CCSER1: variants seen among roughly 807,000 people sequenced by gnomAD.
CCSER1 encodes coiled-coil serine rich protein 1, also known as serine-rich coiled-coil domain-containing protein 1.
CCSER1 carries 41 observed loss-of-function variants against 82.0 expected under a neutral mutation model. The ratio of observed to expected loss-of-function variants is 0.50; its 90% CI spans 0.39 to 0.65. The LOEUF (loss-of-function observed/expected upper bound fraction) is 0.65, where lower values mean the gene tolerates loss of function less well. Among genes scored for constraint, CCSER1 ranks in the 30% least tolerant of loss-of-function variants. CCSER1 has a pLI of 0.00. For missense variants in CCSER1, 1,119 were observed against 1,064.2 expected (o/e 1.05, Z -0.72); for synonymous variants, 414 against 383.9 (o/e 1.08, Z -0.92).
At chr4:90,583,314 C>T (rs997068789) in intron 5 of CCSER1, among the ~76,000 whole-genome samples, 6 of 152,016 alleles carry the variant, frequency 3.9e-5, no homozygotes, top group African/African-American at 4.8e-5. Flanking sequence ...TTAGGGTGCC[C>T]GCCACTACGC....
chr4:90,988,334 C>CAAAAAAAAAAAAAAA (rs60408059), intron 9 of CCSER1, among the ~76,000 whole-genome samples: 3 of 75,384 alleles, frequency 4.0e-5, no homozygotes, highest in Non-Finnish European at 7.1e-5. Context: ...TATCTTGTCT[C>CAAAAAAAAAAAAAAA]AAAAAAAAAA....
chr4:91,259,603 TCCAACAGGCCCCA>T (rs1740952653), intron 10 of CCSER1, among the ~76,000 whole-genome samples: 1 of 94,746 alleles, frequency 1.1e-5, no homozygotes, highest in Non-Finnish European at 2.1e-5. Context: ...CCCCCCACCC[TCCAACAGGCCCCA>T]ATATGTGATG....
rs1200120577 is a variant in CCSER1, at chr4:91,496,703, T to C, written c.2218-101869T>C. ...TTTGAATATATATATATTCAATATA[T>C]ATATATATTCAATATATAGAATATA... On this transcript the variant is annotated intron_variant, in intron 10 of 10. Coordinates refer to ENST00000509176, the MANE Select transcript of CCSER1 (RefSeq NM_001145065.2). Among the ~76,000 whole-genome samples, 3 of 39,508 alleles carry C rather than the reference T, an allele frequency of 7.6e-5. 1 individual carries two copies. Among genetic ancestry groups the C allele is most frequent in the Non-Finnish European group, 1.8e-4 (3 of 17,114 alleles). 25.9% of individuals were successfully genotyped at this position (39,508 alleles called of 152,430 possible).
intron 8 of CCSER1, among the ~76,000 whole-genome samples, chr4:90,920,263 TAAG>T (rs1728184985): frequency 8.6e-5 from 4 of 46,562 alleles, no homozygotes; most frequent in Admixed American, 5.8e-4. Context: ...TGTATTTAAA[TAAG>T]TTCCATCCTC....
At chr4:91,266,270 G>T (rs1379016587) in intron 10 of CCSER1, among the ~76,000 whole-genome samples, 2 of 145,186 alleles carry the variant, frequency 1.4e-5, no homozygotes, top group African/African-American at 5.0e-5. Flanking sequence ...TTTTTTTTTT[G>T]AGACAGAGTC....
chr4:90,784,026 A>G (rs1168664067), intron 7 of CCSER1, among the ~76,000 whole-genome samples: 1 of 152,268 alleles, frequency 6.6e-6, no homozygotes, highest in African/African-American at 2.4e-5. Context: ...AATAGTAGTC[A>G]GAATCACAGA....
At chr4:90,844,518 C>G (rs959656821) in intron 8 of CCSER1, among the ~76,000 whole-genome samples, 22 of 152,054 alleles carry the variant, frequency 1.4e-4, no homozygotes, top group Non-Finnish European at 4.4e-5. Context: ...TTTGCCTTAG[C>G]TCATTTCTTA....
At chr4:91,016,725 A>G (rs1283663058) in intron 9 of CCSER1, among the ~76,000 whole-genome samples, 4 of 152,130 alleles carry the variant, frequency 2.6e-5, no homozygotes, top group African/African-American at 7.2e-5. Flanking sequence ...GTACTGTCCT[A>G]TGTTCTTTAT....
chr4:90,991,491 A>G lies in CCSER1; in HGVS notation c.2172+68044A>G, dbSNP rs924694742. On this transcript the variant is annotated intron_variant, in intron 9 of 10. Transcript: ENST00000509176. ...TACTTCCACGTATCCCTTGGCTTGC[A>G]GCACCATGATTCCAATTTCTGCTTC... is the stretch of plus-strand genomic sequence containing the variant. Among the ~76,000 whole-genome samples, 26 of 152,024 alleles carry G rather than the reference A, an allele frequency of 1.7e-4. No homozygotes were observed. In the South Asian group the frequency reaches 1.9e-3, roughly 11 times the overall value.
intron 9 of CCSER1, among the ~76,000 whole-genome samples, chr4:90,949,995 A>C (rs570574212): frequency 6.6e-6 from 1 of 152,094 alleles, no homozygotes; most frequent in Non-Finnish European, 1.5e-5. Flanking sequence ...GCCCTCTGCT[A>C]TCATACCACA....
chr4:90,884,105 A>G (rs1580921886), intron 8 of CCSER1, among the ~76,000 whole-genome samples: 1 of 152,288 alleles, frequency 6.6e-6, no homozygotes, highest in South Asian at 2.1e-4. Context: ...ACCTCTGGAT[A>G]GCTATATCCA....
chr4:90,841,992 T>A (rs1762628702), intron 8 of CCSER1, among the ~76,000 whole-genome samples: 1 of 151,914 alleles, frequency 6.6e-6, no homozygotes, highest in Admixed American at 6.6e-5. Flanking sequence ...CATATTTCCC[T>A]TTTCCTGCAT....
intron 1 of CCSER1, among the ~76,000 whole-genome samples, chr4:90,213,989 G>T (rs541404233): frequency 6.1e-4 from 93 of 152,234 alleles, no homozygotes; most frequent in Non-Finnish European, 1.0e-3. Flanking sequence ...AGGGATTAAG[G>T]AATTTTTGTT....
chr4:90,951,053 A>G (rs1414766727), intron 9 of CCSER1: 1 of 152,118 alleles, frequency 6.6e-6, no homozygotes, highest in African/African-American at 2.4e-5. Context: ...TAGCATTGGT[A>G]GAGATTAGGA....
intron 8 of CCSER1, among the ~76,000 whole-genome samples, chr4:90,855,975 G>A (rs1286176319): frequency 6.6e-6 from 1 of 151,878 alleles, no homozygotes; most frequent in African/African-American, 2.4e-5. Context: ...ATATTAATAT[G>A]AACTAGGTTA....
In CCSER1 at chr4:90,308,681, G is replaced by C. The variant is rs114592140; in HGVS notation, c.397G>C (p.Glu133Gln). Residue 133 changes from glutamate (E) to glutamine (Q), a missense_variant, in exon 2 of 11, where the codon GAG becomes CAG. By Grantham distance (29) the Glu-to-Gln change is conservative. Transcript: ENST00000509176. ...TAAGAAGATAACAAGATCTTTGACA[G>C]AGGATTTTGAAAGGGAAAAAGAGCA... ...RNKKITRSLT[E>Q]DFEREKEHST... 1.8e-3 allele frequency: 2,967 copies of C among 1,613,542 alleles called. 47 individuals carry two copies. The African/African-American group carries it at 0.034, about 19-fold the overall frequency.
rs189195286 is a variant in CCSER1 at position 90,485,119 on chromosome 4, T to G, written c.1724+16765T>G. 3.0e-3 allele frequency among the ~76,000 whole-genome samples: 459 copies of G among 152,306 alleles called. 1 individual carries two copies. The highest frequency in any genetic ancestry group is 0.01 in the African/African-American group (430 of 41,568). ...CTTGCTGCCACCTTGCAGTTTGATC[T>G]CAGACTGCTGTGCTAGCAATGAGCG... On this transcript the variant is annotated intron_variant, in intron 5 of 10. Transcript: ENST00000509176.
intron 9 of CCSER1, among the ~76,000 whole-genome samples, chr4:91,014,785 A>G (rs1381208788): frequency 2.6e-5 from 4 of 152,238 alleles, no homozygotes; most frequent in Non-Finnish European, 5.9e-5. Context: ...AAAATAACAA[A>G]TAGTGTAAAG....
intron 9 of CCSER1, among the ~76,000 whole-genome samples, chr4:91,037,682 A>C (rs1198928569): frequency 1.3e-5 from 2 of 152,148 alleles, no homozygotes; most frequent in African/African-American, 4.8e-5. Context: ...AAATGAAAGA[A>C]AGATAACTCC....
Sources: gnomAD v4.1 joint callset for allele counts (sites outside exome capture counted in the v4.1 genomes callset) on GRCh38, gnomAD v4.1.1 for gene constraint, MANE v1.5 for transcripts, NCBI Gene and HGNC (gene_info 2026-07-23, HGNC 2026-07-21) for gene names.